Variants in MYH10 observed in about 807,000 individuals in gnomAD.
MYH10 encodes myosin-10.
A neutral mutation model predicts 257.8 loss-of-function variants in MYH10; 55 were observed. The ratio of observed to expected loss-of-function variants is 0.21; its 90% CI spans 0.17 to 0.27. The LOEUF (loss-of-function observed/expected upper bound fraction) is 0.27, where lower values mean the gene tolerates loss of function less well. Ranked by LOEUF, MYH10 falls within the 10% of genes least tolerant of loss-of-function variation. The pLI, the probability that MYH10 is intolerant of heterozygous loss-of-function variation, is 1.00. For synonymous variants in MYH10, 854 were observed against 921.7 expected, an observed-to-expected ratio of 0.93 and a Z score of 1.33; for missense variants, 1,631 against 2,500.6, an observed-to-expected ratio of 0.65 and a Z score of 7.42.
intron 35 of MYH10, among the ~76,000 whole-genome samples, chr17:8,488,698 A>T (rs933775519): frequency 1.3e-5 from 2 of 151,910 alleles, no homozygotes; most frequent in African/African-American, 4.8e-5. Context: ...TCCAAAGGGG[A>T]GAAACAAGGC....
Position 8,504,418 on chromosome 17 carries a change from TC to T in MYH10, c.3599+275del, listed in dbSNP as rs111438085. On this transcript the variant is annotated intron_variant, in intron 28 of 42. Transcript: ENST00000360416. The surrounding 1 kb of genome is among the most constrained non-coding windows in gnomAD (Gnocchi z 5.6). Reference sequence around the variant, plus strand: ...CCTGCTCTGTGTAGTTGTCACTCTCTCCCCCTAGATATCCATCACTGACCAC... The same window carrying T: ...CCTGCTCTGTGTAGTTGTCACTCTCTCCCCTAGATATCCATCACTGACCAC... Among the ~76,000 whole-genome samples, 153 of 152,222 alleles carry T rather than the reference TC, an allele frequency of 1.0e-3. No individual in the cohort carries two copies. The highest frequency in any genetic ancestry group is 3.2e-3 in the African/African-American group (134 of 41,510).
At chr17:8,580,356 CGACAGGTA>C (rs1010976954) in intron 4 of MYH10, among the ~76,000 whole-genome samples, 2 of 151,144 alleles carry the variant, frequency 1.3e-5, no homozygotes, top group African/African-American at 2.4e-5. Flanking sequence ...AAATAAAAAA[CGACAGGTA>C]GAATTTTGAG....
chr17:8,514,797 G>A (rs1035105041), intron 21 of MYH10, among the ~76,000 whole-genome samples: 18 of 152,068 alleles, frequency 1.2e-4, no homozygotes, highest in African/African-American at 4.1e-4. Flanking sequence ...ATCCCACCAC[G>A]CTACCGAAGC....
intron 16 of MYH10, among the ~76,000 whole-genome samples, chr17:8,533,690 T>C (rs1324585264): frequency 6.6e-6 from 1 of 152,144 alleles, no homozygotes; most frequent in African/African-American, 2.4e-5. Flanking sequence ...CATTTTTCCC[T>C]TAGCGCCCCA....
intron 17 of MYH10, among the ~76,000 whole-genome samples, chr17:8,522,388 A>G (rs1204419154): frequency 6.6e-6 from 1 of 152,236 alleles, no homozygotes; most frequent in East Asian, 1.9e-4. Context: ...GCAGGTCTTC[A>G]GTGGAAGCTG....
At chr17:8,593,752 G>A (rs1250088722) in intron 3 of MYH10, among the ~76,000 whole-genome samples, 1 of 151,970 alleles carries the variant, frequency 6.6e-6, no homozygotes, top group Non-Finnish European at 1.5e-5. Flanking sequence ...TTGTTAATTC[G>A]GCCTCAACTG....
In MYH10 at chr17:8,495,200, C is replaced by T; in HGVS notation, c.3993G>A (p.Glu1331=). 1.2e-6 allele frequency: 2 copies of T among 1,613,550 alleles called. No individual in the cohort carries two copies. Among genetic ancestry groups the T allele is most frequent in the Non-Finnish European group, 1.7e-6 (2 of 1,179,528 alleles). Reference sequence around the variant, plus strand: ...CCTTAGCAAATTTAATACCCTTCTTCTCTGCTTCTTCCAGAAGGGTGGAGA... The same window carrying T: ...CCTTAGCAAATTTAATACCCTTCTTTTCTGCTTCTTCCAGAAGGGTGGAGA... ...DNVSTLLEEA[E]KKGIKFAKDA... The change falls in exon 31 of 43, where the codon GAG becomes GAA. Residue 1331 remains glutamate (E), a synonymous_variant. Coordinates refer to ENST00000360416, the MANE Select transcript of MYH10 (RefSeq NM_001256012.3).
intron 37 of MYH10, among the ~76,000 whole-genome samples, chr17:8,482,821 C>T (rs974165746): frequency 2.0e-5 from 3 of 152,214 alleles, no homozygotes; most frequent in Admixed American, 2.0e-4. Context: ...GGTAATGGCC[C>T]AGGAGCGCTC....
intron 36 of MYH10, among the ~76,000 whole-genome samples, 189 bp from the exon 37 acceptor site, chr17:8,484,455 T>C (rs1257919639): frequency 6.6e-6 from 1 of 152,176 alleles, no homozygotes; most frequent in African/African-American, 2.4e-5. Flanking sequence ...ACATGGTATT[T>C]TTTTTCTAGA....
At chr17:8,493,114 C>A (rs773146188) in intron 32 of MYH10, 90 bp from the exon 33 acceptor site, 134 of 1,435,492 alleles carry the variant, frequency 9.3e-5, no homozygotes, top group Non-Finnish European at 1.2e-4. Context: ...AATCCCAGCA[C>A]TTTGGGAGGC....
chr17:8,573,948 C>T (rs2083424347), intron 6 of MYH10: 1 of 349,280 alleles, frequency 2.9e-6, no homozygotes, highest in African/African-American at 2.2e-5. Context: ...TCACATGTTC[C>T]TGGTGGCAAT....
At chr17:8,594,087 G>A (rs936141346) in intron 3 of MYH10, among the ~76,000 whole-genome samples, 1 of 152,096 alleles carries the variant, frequency 6.6e-6, no homozygotes, top group East Asian at 1.9e-4. Context: ...AATAGTGCTA[G>A]AACAATTGAA....
chr17:8,500,327 G>A lies in MYH10; in HGVS notation c.3744+499C>T, dbSNP rs1051428408. ...ACATGAAATTAAGTTTCAGGAGAAC[G>A]GAAAGCCTGTGTCTGAGATACAGAA... On this transcript the variant is annotated intron_variant, in intron 29 of 42. Coordinates refer to ENST00000360416, the MANE Select transcript of MYH10 (RefSeq NM_001256012.3). 3.3e-5 allele frequency among the ~76,000 whole-genome samples: 5 copies of A among 152,140 alleles called. No individual in the cohort carries two copies. In the South Asian group the frequency reaches 8.3e-4, roughly 25 times the overall value.
chr17:8,608,199 T>C (rs1441177512), intron 2 of MYH10, among the ~76,000 whole-genome samples: 1 of 152,026 alleles, frequency 6.6e-6, no homozygotes, highest in Non-Finnish European at 1.5e-5. Context: ...GAGAGAAAAG[T>C]GATTGGATGA....
In MYH10 at chr17:8,569,191, C is replaced by T. The variant is rs2083258063; in HGVS notation, c.756+529G>A. Among the ~76,000 whole-genome samples the T allele has an allele frequency of 6.7e-6, 1 of 149,416 alleles. No homozygotes were observed. The highest frequency in any genetic ancestry group is 6.7e-5 in the Admixed American group (1 of 14,914). On this transcript the variant is annotated intron_variant, in intron 7 of 42. Coordinates refer to ENST00000360416, the MANE Select transcript of MYH10 (RefSeq NM_001256012.3). The surrounding 1 kb of genome is among the most constrained non-coding windows in gnomAD (Gnocchi z 4.1). The stretch of plus-strand genomic sequence containing the variant: ...GAGCTATGACTGTGCCACTGCACTC[C>T]AGGCTGGGTGACAGAGCAAGACCCT...
At chr17:8,498,274 C>T (rs1358941701) in intron 30 of MYH10, among the ~76,000 whole-genome samples, 2 of 152,118 alleles carry the variant, frequency 1.3e-5, no homozygotes, top group African/African-American at 2.4e-5. Context: ...GTGTGAGCTA[C>T]CACGCCCGGC....
chr17:8,525,121 C>A (rs565331028), intron 17 of MYH10, among the ~76,000 whole-genome samples: 79 of 152,372 alleles, frequency 5.2e-4, no homozygotes, highest in African/African-American at 1.9e-3. Flanking sequence ...CACATTCCAT[C>A]CTTTTCTCTC....
chr17:8,515,654 T>A (rs1163324592), intron 21 of MYH10, among the ~76,000 whole-genome samples: 1 of 148,370 alleles, frequency 6.7e-6, no homozygotes, highest in African/African-American at 2.5e-5. Context: ...GCGATTCTCA[T>A]GCCTCAGCCT....
At chr17:8,489,252 A>G (rs968243408) in intron 35 of MYH10, among the ~76,000 whole-genome samples, 1 of 152,210 alleles carries the variant, frequency 6.6e-6, no homozygotes, top group African/African-American at 2.4e-5. Context: ...TACCAGAACC[A>G]CTGACTCAAC....
Sources: allele counts gnomAD v4.1 joint callset (sites outside exome capture counted in the v4.1 genomes callset), GRCh38; gene constraint gnomAD v4.1.1; non-coding constraint Gnocchi (gnomAD v3.1); transcripts MANE v1.5; gene names NCBI Gene and HGNC (gene_info 2026-07-23, HGNC 2026-07-21).